NRXN3: variants seen among roughly 807,000 people sequenced by gnomAD.
NRXN3 encodes the protein neurexin III.
NRXN3 carries 32 observed loss-of-function variants against 137.6 expected under a neutral mutation model. The observed-to-expected ratio is 0.23, with a 90% CI of 0.18 to 0.31. The LOEUF is 0.31. Among genes scored for constraint, NRXN3 ranks in the 10% least tolerant of loss-of-function variants. The pLI, the probability that NRXN3 is intolerant of heterozygous loss-of-function variation, is 1.00. For missense variants in NRXN3, 1,574 were observed against 2,062.5 expected, an observed-to-expected ratio of 0.76 and a Z score of 4.59; for synonymous variants, 798 against 784.5, an observed-to-expected ratio of 1.02 and a Z score of -0.29.
intron 15 of NRXN3, among the ~76,000 whole-genome samples, chr14:79,194,355 T>G (rs1042830181): frequency 2.0e-4 from 31 of 152,212 alleles, no homozygotes; most frequent in African/African-American, 7.2e-4. Flanking sequence ...TGAGCTAAAT[T>G]GTACAGCTGA....
At chr14:79,134,235 A>G (rs540384894) in intron 15 of NRXN3, among the ~76,000 whole-genome samples, 1 of 152,332 alleles carries the variant, frequency 6.6e-6, no homozygotes, top group Admixed American at 6.5e-5. Context: ...CAGAAAGGGT[A>G]CTTGTCAACA....
At position 79,243,977 on chromosome 14, in the gene NRXN3, C is replaced by T. The variant is rs565807689; in HGVS notation, c.3263-223244C>T. On this transcript the variant is annotated intron_variant, in intron 15 of 20. Coordinates refer to ENST00000335750, the MANE Select transcript of NRXN3 (RefSeq NM_001330195.2). Reference sequence around the variant, plus strand: ...CACACTATCATTAACTACGGTGTTTCGCTTAGGAACATCACCAAACAAAGC... The same window carrying T: ...CACACTATCATTAACTACGGTGTTTTGCTTAGGAACATCACCAAACAAAGC... 4.6e-5 allele frequency among the ~76,000 whole-genome samples: 7 copies of T among 152,230 alleles called. 1 individual carries two copies. In the East Asian group the frequency reaches 5.8e-4, roughly 13 times the overall value.
intron 15 of NRXN3, among the ~76,000 whole-genome samples, chr14:79,354,102 T>A (rs1278545260): frequency 6.6e-6 from 1 of 152,170 alleles, no homozygotes; most frequent in Non-Finnish European, 1.5e-5. Context: ...GTTCTTTTAG[T>A]GGCTTCATAA....
At chr14:78,590,407 C>T (rs2097106096) in intron 4 of NRXN3, among the ~76,000 whole-genome samples, 1 of 152,140 alleles carries the variant, frequency 6.6e-6, no homozygotes, top group African/African-American at 2.4e-5. Context: ...CTGTAAATGA[C>T]TGGATATTCC....
chr14:79,627,342 T>C (rs770636925), intron 16 of NRXN3, among the ~76,000 whole-genome samples: 9 of 152,196 alleles, frequency 5.9e-5, no homozygotes, highest in Non-Finnish European at 1.3e-4. Context: ...ACATCTTTGC[T>C]ATTCTGGACT....
intron 4 of NRXN3, among the ~76,000 whole-genome samples, chr14:78,485,341 A>C (rs1297739100): frequency 6.6e-6 from 1 of 152,074 alleles, no homozygotes; most frequent in Non-Finnish European, 1.5e-5. Flanking sequence ...GCCAAAGTTT[A>C]CCTTTGTGCT....
chr14:79,398,504 G>T (rs2095091898), intron 15 of NRXN3, among the ~76,000 whole-genome samples: 1 of 144,430 alleles, frequency 6.9e-6, no homozygotes, highest in African/African-American at 2.5e-5. Flanking sequence ...AATATTCATT[G>T]TTTTTTTTTT....
chr14:79,534,946 C>T (rs1158446268), intron 16 of NRXN3, among the ~76,000 whole-genome samples: 1 of 152,176 alleles, frequency 6.6e-6, no homozygotes, highest in Non-Finnish European at 1.5e-5. Context: ...GCATTGGTCT[C>T]TTTCTAAACA....
At chr14:78,590,204 A>G (rs912294109) in intron 4 of NRXN3, among the ~76,000 whole-genome samples, 2 of 152,178 alleles carry the variant, frequency 1.3e-5, no homozygotes, top group Non-Finnish European at 2.9e-5. Context: ...ACAAGGATTC[A>G]TGCAGGTTGG....
intron 4 of NRXN3, among the ~76,000 whole-genome samples, chr14:78,522,815 G>GGCTA (rs1176449109): frequency 6.6e-6 from 1 of 152,118 alleles, no homozygotes; most frequent in East Asian, 1.9e-4. Context: ...TAGAATGCAA[G>GGCTA]GCTAGACTAC....
At chr14:78,380,071 A>G (rs1031855544) in intron 4 of NRXN3, among the ~76,000 whole-genome samples, 5 of 152,152 alleles carry the variant, frequency 3.3e-5, no homozygotes, top group African/African-American at 1.2e-4. Flanking sequence ...ATGCTAAAAG[A>G]AATAAAATCT....
intron 16 of NRXN3, among the ~76,000 whole-genome samples, chr14:79,601,840 CCT>C (rs2097925609): frequency 1.3e-5 from 2 of 152,280 alleles, no homozygotes; most frequent in African/African-American, 2.4e-5. Context: ...TAATTCTTGG[CCT>C]CTCTGTCTAA....
chr14:78,426,529 A>G (rs1160636714), intron 4 of NRXN3, among the ~76,000 whole-genome samples: 1 of 152,214 alleles, frequency 6.6e-6, no homozygotes, highest in Non-Finnish European at 1.5e-5. Flanking sequence ...AGCCTTCATA[A>G]GGTAACCAAG....
At chr14:79,217,861 G>T (rs917480235) in intron 15 of NRXN3, among the ~76,000 whole-genome samples, 3 of 152,166 alleles carry the variant, frequency 2.0e-5, no homozygotes, top group Non-Finnish European at 2.9e-5. Flanking sequence ...GTACGAAACA[G>T]GGAAAGATGT....
At chr14:79,220,861 C>T (rs893287933) in intron 15 of NRXN3, among the ~76,000 whole-genome samples, 1 of 151,984 alleles carries the variant, frequency 6.6e-6, no homozygotes, top group Non-Finnish European at 1.5e-5. Context: ...CCCATCAACC[C>T]GTCACCTACA....
At chr14:79,689,003 C>A (rs1310667587) in intron 17 of NRXN3, among the ~76,000 whole-genome samples, 1 of 152,030 alleles carries the variant, frequency 6.6e-6, no homozygotes, top group Non-Finnish European at 1.5e-5. Flanking sequence ...ATTTGAAGAT[C>A]TCTTTGTATA....
chr14:78,867,045 C>T lies in NRXN3; in HGVS notation c.2275+56701C>T, dbSNP rs2099088901. ...ATCTCTTGACCTTGTGATCCACCTG[C>T]CTCAGCCTCTCAAAGTCCTGGGATT... is the stretch of plus-strand genomic sequence containing the variant. On this transcript the variant is annotated intron_variant, in intron 10 of 20. Coordinates refer to ENST00000335750, the MANE Select transcript of NRXN3 (RefSeq NM_001330195.2). Among the ~76,000 whole-genome samples, 3 of 152,130 alleles carry T rather than the reference C, an allele frequency of 2.0e-5. No individual in the cohort carries two copies. In the South Asian group the frequency reaches 6.2e-4, roughly 32 times the overall value.
intron 15 of NRXN3, among the ~76,000 whole-genome samples, chr14:79,051,748 G>C (rs2099642242): frequency 6.6e-6 from 1 of 152,186 alleles, no homozygotes; most frequent in Non-Finnish European, 1.5e-5. Flanking sequence ...TCAAGGAAGG[G>C]CAAGGTTTGG....
At chr14:79,549,572 AGCAATC>A (rs2153746589) in intron 16 of NRXN3, among the ~76,000 whole-genome samples, 1 of 152,220 alleles carries the variant, frequency 6.6e-6, no homozygotes, top group East Asian at 1.9e-4. Context: ...CCCTGGAATA[AGCAATC>A]CTGGGTCAAC....
Sources: gnomAD v4.1 joint callset for allele counts (sites outside exome capture counted in the v4.1 genomes callset) on GRCh38, gnomAD v4.1.1 for gene constraint, MANE v1.5 for transcripts, NCBI Gene and HGNC (gene_info 2026-07-23, HGNC 2026-07-21) for gene names.